LAMA3: variants seen among roughly 807,000 people sequenced by gnomAD.
LAMA3 encodes laminin subunit alpha-3.
A neutral mutation model predicts 402.0 loss-of-function variants in LAMA3; 281 were observed. The observed-to-expected ratio is 0.70, with a 90% CI of 0.63 to 0.77. The LOEUF is 0.77. LAMA3 is among the 30% of genes least tolerant of loss of function. LAMA3 has a pLI of 0.00. For synonymous variants in LAMA3, 1,431 were observed against 1,558.4 expected, an observed-to-expected ratio of 0.92 and a Z score of 1.93; for missense variants, 3,840 against 4,215.5, an observed-to-expected ratio of 0.91 and a Z score of 2.47.
intron 36 of LAMA3, 149 bp downstream of exon 36, chr18:23,865,032 A>G (rs2064320594): frequency 2.9e-6 from 2 of 692,962 alleles, no homozygotes; most frequent in Admixed American, 2.0e-5. Flanking sequence ...AGTTGAAAGC[A>G]TGTAACATCT....
rs775794986 is a variant in LAMA3, at chr18:23,758,470, G to A, written c.1022G>A (p.Arg341His). The change falls in exon 7 of 75, where the codon CGC becomes CAC. Residue 341 changes from arginine (R) to histidine (H), a missense_variant. This residue lies in a region of LAMA3 where 2,109 missense variants were observed against 2,376.0 expected (regional missense o/e 0.89). Coordinates refer to ENST00000313654, the MANE Select transcript of LAMA3 (RefSeq NM_198129.4). The part of the protein sequence containing the change: ...DRCCTGYNQR[R>H]WRPAAWEQSH... ...TGCTGCACAGGGTACAATCAGAGGCGCTGGCGGCCCGCCGCTTGGGAGCAG... is the reference window on the plus strand; with the variant it reads ...TGCTGCACAGGGTACAATCAGAGGCACTGGCGGCCCGCCGCTTGGGAGCAG... 12 of 1,613,700 alleles carry A rather than the reference G, an allele frequency of 7.4e-6. No homozygotes were observed. The Admixed American group carries it at 1.3e-4, about 18-fold the overall frequency.
intron 62 of LAMA3, among the ~76,000 whole-genome samples, chr18:23,927,896 T>G (rs2082053692): frequency 6.6e-6 from 1 of 152,202 alleles, no homozygotes; most frequent in African/African-American, 2.4e-5. Flanking sequence ...TCTGTTAACA[T>G]TGTTGTCTGC....
chr18:23,903,172 T>A, intron 49 of LAMA3, 47 bp downstream of exon 49: 1 of 1,180,492 alleles, frequency 8.5e-7, no homozygotes, highest in Non-Finnish European at 1.3e-6. Context: ...ACATTTTAAT[T>A]ATATTGTGAG....
At chr18:23,954,448 CA>C in intron 74 of LAMA3, 54 bp from the exon 75 acceptor site, 2 of 1,323,876 alleles carry the variant, frequency 1.5e-6, no homozygotes, top group East Asian at 4.7e-5. Context: ...ATCCAGGGAA[CA>C]GTCCCTGGAC....
At chr18:23,795,986 G>T in intron 12 of LAMA3, 1 of 344,032 alleles carries the variant, frequency 2.9e-6, no homozygotes, top group Non-Finnish European at 5.8e-6. Context: ...ACACAAGATA[G>T]CTCGTTCACT....
chr18:23,825,081 C>G (rs2063355403), intron 21 of LAMA3, among the ~76,000 whole-genome samples: 1 of 152,148 alleles, frequency 6.6e-6, no homozygotes, highest in Non-Finnish European at 1.5e-5. Context: ...GAAAGAGAAG[C>G]AAGAGGCTAC....
At chr18:23,930,897 T>C (rs962466251) in intron 64 of LAMA3, among the ~76,000 whole-genome samples, 165 bp from the exon 65 acceptor site, 1 of 152,074 alleles carries the variant, frequency 6.6e-6, no homozygotes, top group African/African-American at 2.4e-5. Flanking sequence ...AAACATGGAG[T>C]CAAATATGCA....
At chr18:23,782,803 T>TTC (rs1445140092) in intron 11 of LAMA3, among the ~76,000 whole-genome samples, 1 of 151,844 alleles carries the variant, frequency 6.6e-6, no homozygotes, top group East Asian at 1.9e-4. Flanking sequence ...ATCTTTTTTT[T>TTC]TTTTTTTTCA....
intron 69 of LAMA3, 108 bp downstream of exon 69, chr18:23,944,079 G>A: frequency 8.9e-7 from 1 of 1,123,288 alleles, no homozygotes; most frequent in Non-Finnish European, 1.3e-6. Flanking sequence ...GCGTGGAGTG[G>A]GAGAGCTTGT....
chr18:23,723,883 A>T (rs192150200), intron 2 of LAMA3, among the ~76,000 whole-genome samples: 2,568 of 151,972 alleles, frequency 0.017, 69 homozygotes, highest in African/African-American at 0.059. Flanking sequence ...ATTTTTTTTA[A>T]AATTTTTATT....
At chr18:23,711,351 G>A (rs141147588) in intron 1 of LAMA3, among the ~76,000 whole-genome samples, 190 of 152,266 alleles carry the variant, frequency 1.2e-3, no homozygotes, top group African/African-American at 4.4e-3. Context: ...CTAATTGTGA[G>A]ATCAAGGGCT....
intron 19 of LAMA3, among the ~76,000 whole-genome samples, chr18:23,820,386 G>T (rs897348103): frequency 3.3e-5 from 5 of 152,174 alleles, no homozygotes; most frequent in Non-Finnish European, 7.3e-5. Flanking sequence ...AAAATGAGTT[G>T]GCTTAAGTAA....
rs1225590056 is a variant in LAMA3, at chr18:23,820,016, G to C, written c.2304+19G>C. 1.1e-5 allele frequency: 17 copies of C among 1,613,666 alleles called. No homozygotes were observed. In the South Asian group the frequency reaches 1.9e-4, roughly 18 times the overall value. On this transcript the variant is annotated intron_variant, in intron 19 of 74. Transcript: ENST00000313654. ...AGTACAGGTACGCAACCCGAAGAGAGCAGCTTCATGGCTGAGTAGCTCAGA... is the reference window on the plus strand; with the variant it reads ...AGTACAGGTACGCAACCCGAAGAGACCAGCTTCATGGCTGAGTAGCTCAGA...
intron 69 of LAMA3, 111 bp from the exon 70 acceptor site, chr18:23,946,033 T>A: frequency 9.6e-7 from 1 of 1,040,302 alleles, no homozygotes; most frequent in Non-Finnish European, 1.5e-6. Flanking sequence ...TTGAAGCTAT[T>A]TGAAGGAGCA....
In LAMA3 at chr18:23,908,968, G is replaced by A. The variant is rs562714817; in HGVS notation, c.7016-185G>A. ...ATTTTTGGACCATGGTTGATAGCAA[G>A]TACTTGAAACCTTGGGAAGTGAAAC... On this transcript the variant is annotated intron_variant, in intron 54 of 74. Transcript: ENST00000313654. Among the ~76,000 whole-genome samples the A allele has an allele frequency of 2.6e-5, 4 of 152,310 alleles. No homozygotes were observed. In the South Asian group the frequency reaches 8.3e-4, roughly 32 times the overall value.
chr18:23,699,440 G>C (rs187969931), intron 1 of LAMA3, among the ~76,000 whole-genome samples: 1 of 152,178 alleles, frequency 6.6e-6, no homozygotes, highest in Non-Finnish European at 1.5e-5. Context: ...TCATAAAGGG[G>C]TTAAAATAAT....
At chr18:23,858,876 G>C in intron 34 of LAMA3, 47 bp downstream of exon 34, 1 of 1,592,258 alleles carries the variant, frequency 6.3e-7, no homozygotes, top group African/African-American at 1.3e-5. Flanking sequence ...ACATGGATTT[G>C]TTAAATGATA....
chr18:23,953,578 G>T (rs1280828278), intron 74 of LAMA3, among the ~76,000 whole-genome samples: 2 of 151,932 alleles, frequency 1.3e-5, no homozygotes, highest in Admixed American at 1.3e-4. Context: ...CTGACCTCAG[G>T]TGATCCACCC....
intron 11 of LAMA3, among the ~76,000 whole-genome samples, chr18:23,779,532 G>A (rs2062393488): frequency 6.6e-6 from 1 of 151,942 alleles, no homozygotes; most frequent in Non-Finnish European, 1.5e-5. Flanking sequence ...TTAGAAGGAA[G>A]AAGTTGCTCT....
Sources: allele counts gnomAD v4.1 joint callset (sites outside exome capture counted in the v4.1 genomes callset), GRCh38; gene constraint gnomAD v4.1.1; regional missense constraint gnomAD v4.1.1; transcripts MANE v1.5; gene names NCBI Gene and HGNC (gene_info 2026-07-23, HGNC 2026-07-21).